PKHD1: variants seen among roughly 807,000 people sequenced by gnomAD.
The protein encoded by PKHD1 is fibrocystin.
Under a neutral mutation model 412.0 loss-of-function variants are expected in PKHD1, and 291 were observed. That is an observed-to-expected ratio of 0.71 (90% confidence interval 0.64 to 0.78). The LOEUF (loss-of-function observed/expected upper bound fraction) is 0.78. Among genes scored for constraint, PKHD1 ranks in the 30% least tolerant of loss-of-function variants. The pLI, the probability that PKHD1 is intolerant of heterozygous loss-of-function variation, is 0.00. For missense variants in PKHD1, 4,825 were observed against 4,950.7 expected, an observed-to-expected ratio of 0.97 and a Z score of 0.76; for synonymous variants, 1,777 against 1,821.5, an observed-to-expected ratio of 0.98 and a Z score of 0.62.
chr6:51,700,735 G>T (rs1437923764), intron 60 of PKHD1, among the ~76,000 whole-genome samples: 2 of 152,014 alleles, frequency 1.3e-5, no homozygotes, highest in East Asian at 1.9e-4. Context: ...GTAAAATGCA[G>T]CCCATTACCT....
In PKHD1 at chr6:51,909,375, C is replaced by A. The variant is rs988807426; in HGVS notation, c.6590G>T (p.Ser2197Ile). 1.2e-6 allele frequency: 2 copies of A among 1,613,506 alleles called. No individual in the cohort carries two copies. Among genetic ancestry groups the A allele is most frequent in the Non-Finnish European group, 1.7e-6 (2 of 1,179,550 alleles). The change falls in exon 40 of 67, where the codon AGC (serine) becomes ATC (isoleucine). Residue 2197 changes from serine (S) to isoleucine (I), a missense_variant. Transcript: ENST00000371117. Reference protein sequence around the residue: ...VIVQSFPEEPSQVQLKGVQFQ... With the variant: ...VIVQSFPEEPIQVQLKGVQFQ... The stretch of plus-strand genomic sequence containing the variant: ...CTGCACTCCCTTCAACTGGACCTGG[C>A]TGGGCTCTTCTGGGAAGGACTGAAC...
intron 60 of PKHD1, among the ~76,000 whole-genome samples, chr6:51,670,649 T>A (rs1774776091): frequency 6.6e-6 from 1 of 152,166 alleles, no homozygotes; most frequent in Non-Finnish European, 1.5e-5. Flanking sequence ...GTCTCGATGG[T>A]CTTTACAATT....
chr6:51,631,779 C>G (rs1455665756), intron 65 of PKHD1, among the ~76,000 whole-genome samples: 1 of 151,936 alleles, frequency 6.6e-6, no homozygotes, highest in African/African-American at 2.4e-5. Flanking sequence ...AAGTCTCCAG[C>G]TTTAAAAAAT....
At chr6:51,762,484 C>A (rs530571595) in intron 55 of PKHD1, among the ~76,000 whole-genome samples, 46 of 151,972 alleles carry the variant, frequency 3.0e-4, no homozygotes, top group Non-Finnish European at 6.2e-4. Context: ...AAGCAAGCAA[C>A]AACAGAGAGT....
At chr6:52,009,872 C>T (rs1241739854) in intron 35 of PKHD1, among the ~76,000 whole-genome samples, 2 of 151,930 alleles carry the variant, frequency 1.3e-5, no homozygotes, top group Admixed American at 1.3e-4. Flanking sequence ...CCACTCTGCT[C>T]CCCCATGGCA....
At position 51,624,844 on chromosome 6, in the gene PKHD1, C is replaced by T. The variant is rs1275194970; in HGVS notation, c.11785+2153G>A. Among the ~76,000 whole-genome samples, 3 of 152,168 alleles carry T rather than the reference C, an allele frequency of 2.0e-5. No homozygotes were observed. In the East Asian group the frequency reaches 5.8e-4, roughly 29 times the overall value. The stretch of plus-strand genomic sequence containing the variant: ...TACTTGAGGCCACAAAGTCTGTCAA[C>T]AGGGAGTCAGATTTAAACCCAGTCT... On this transcript the variant is annotated intron_variant, in intron 66 of 66. Transcript: ENST00000371117.
At chr6:52,052,524 G>A (rs757982982) in intron 21 of PKHD1, among the ~76,000 whole-genome samples, 6 of 152,260 alleles carry the variant, frequency 3.9e-5, no homozygotes, top group Middle Eastern at 3.4e-3. Context: ...CTCTCACTGC[G>A]TCTGTCTTGA....
At chr6:51,775,594 C>G (rs1790891850) in intron 54 of PKHD1, among the ~76,000 whole-genome samples, 1 of 151,880 alleles carries the variant, frequency 6.6e-6, no homozygotes. Context: ...TGGTTTTCTG[C>G]ATGTCGTTCA....
chr6:52,030,372 G>T (rs1193524938), intron 29 of PKHD1, among the ~76,000 whole-genome samples: 1 of 152,132 alleles, frequency 6.6e-6, no homozygotes, highest in Non-Finnish European at 1.5e-5. Flanking sequence ...AAAGTATCTG[G>T]CATGATATAG....
Position 51,975,963 on chromosome 6 carries a change from T to TGAAAAAAAAAA in PKHD1, c.5752-15938_5752-15937insTTTTTTTTTTC, listed in dbSNP as rs1231391714. On this transcript the variant is annotated intron_variant, in intron 35 of 66. Transcript: ENST00000371117. ...AACATAGCGAGACCCTTTCTCTAATTAAAAAAAAAAAAAAAAAAAAAAAAA... is the reference window on the plus strand; with the variant it reads ...AACATAGCGAGACCCTTTCTCTAATTGAAAAAAAAAAAAAAAAAAAAAAAAAAAAAAAAAAA... 12 of 69,776 alleles carry TGAAAAAAAAAA rather than the reference T, an allele frequency of 1.7e-4. 3 individuals are homozygous for TGAAAAAAAAAA. The highest frequency in any genetic ancestry group is 4.3e-4 in the African/African-American group (8 of 18,508). 4.3% of individuals were successfully genotyped at this position (69,776 alleles called of 1,614,324 possible).
chr6:51,782,461 A>C (rs1424779188), intron 53 of PKHD1, among the ~76,000 whole-genome samples: 1 of 152,148 alleles, frequency 6.6e-6, no homozygotes, highest in Non-Finnish European at 1.5e-5. Flanking sequence ...TGAACCTCTA[A>C]GGGGCAAAGG....
At chr6:51,790,104 A>G (rs1793509023) in intron 53 of PKHD1, among the ~76,000 whole-genome samples, 1 of 152,120 alleles carries the variant, frequency 6.6e-6, no homozygotes, top group South Asian at 2.1e-4. Context: ...CCCAACTGAG[A>G]TTCTAAAATT....
chr6:51,923,531 C>G (rs115276934), intron 37 of PKHD1, among the ~76,000 whole-genome samples: 1 of 145,924 alleles, frequency 6.9e-6, no homozygotes, highest in African/African-American at 2.5e-5. Context: ...AAAAAAAAAA[C>G]AATAAAAGTA....
chr6:52,045,700 C>T (rs892986389), intron 24 of PKHD1, among the ~76,000 whole-genome samples: 4 of 152,222 alleles, frequency 2.6e-5, no homozygotes, highest in African/African-American at 9.7e-5. Flanking sequence ...AAGTCAATCA[C>T]ATCTGCTTAA....
chr6:51,908,884 T>C (rs1782540502), intron 40 of PKHD1, among the ~76,000 whole-genome samples: 2 of 152,118 alleles, frequency 1.3e-5, no homozygotes, highest in African/African-American at 4.8e-5. Flanking sequence ...TAATGCCAAT[T>C]CACCTGTAGT....
intron 52 of PKHD1, among the ~76,000 whole-genome samples, chr6:51,815,680 T>C (rs1474033573): frequency 6.6e-6 from 1 of 152,178 alleles, no homozygotes; most frequent in Non-Finnish European, 1.5e-5. Flanking sequence ...TGAAATCGAC[T>C]CTGAAAGCTT....
At chr6:51,703,472 C>T (rs1441830333) in intron 60 of PKHD1, among the ~76,000 whole-genome samples, 2 of 151,800 alleles carry the variant, frequency 1.3e-5, no homozygotes, top group Non-Finnish European at 2.9e-5. Flanking sequence ...AGAACTTCCC[C>T]CTAGCAGTCT....
chr6:51,775,075 T>TGTTATTATATTTAAA (rs1790780229), intron 54 of PKHD1, among the ~76,000 whole-genome samples: 5 of 141,992 alleles, frequency 3.5e-5, no homozygotes, highest in Admixed American at 6.9e-5. Flanking sequence ...TTTTTAAATA[T>TGTTATTATATTTAAA]AATAACATTT....
chr6:52,032,884 G>A (rs770861989), intron 29 of PKHD1, 146 bp downstream of exon 29: 6 of 733,546 alleles, frequency 8.2e-6, no homozygotes, highest in Non-Finnish European at 1.4e-5. Flanking sequence ...TTGATTCGAT[G>A]ATGGCTAAGA....
Sources: gnomAD v4.1 joint callset for allele counts (sites outside exome capture counted in the v4.1 genomes callset) on GRCh38, gnomAD v4.1.1 for gene constraint, MANE v1.5 for transcripts, NCBI Gene and HGNC (gene_info 2026-07-23, HGNC 2026-07-21) for gene names.